QTMAN: variants seen among roughly 807,000 people sequenced by gnomAD.
QTMAN encodes tRNA-queuosine alpha-mannosyltransferase.
At chr2:144,129,785 T>C in the QTMAN span, among the ~76,000 whole-genome samples, 9 of 152,004 alleles carry the variant, frequency 5.9e-5, no homozygotes, top group African/African-American at 2.2e-4. Context: ...CTCACTGTTA[T>C]TTTTACAAAA....
the QTMAN span, among the ~76,000 whole-genome samples, chr2:144,136,968 A>G: frequency 6.6e-6 from 1 of 152,118 alleles, no homozygotes; most frequent in Admixed American, 6.6e-5. Context: ...TTTGCAACCC[A>G]GCAGAAATGG....
the QTMAN span, chr2:143,946,778 G>T: frequency 2.5e-6 from 1 of 405,824 alleles, no homozygotes. Context: ...TATTTTTTTT[G>T]AACAGTCTCC....
At chr2:144,080,775 A>T in the QTMAN span, among the ~76,000 whole-genome samples, 1 of 152,326 alleles carries the variant, frequency 6.6e-6, no homozygotes, top group African/African-American at 2.4e-5. Flanking sequence ...TCCTTTTAAA[A>T]ACATTTATCT....
At chr2:144,068,933 C>T in the QTMAN span, among the ~76,000 whole-genome samples, 10 of 152,134 alleles carry the variant, frequency 6.6e-5, no homozygotes, top group African/African-American at 2.4e-4. Flanking sequence ...GGCATATTAT[C>T]GCCCTTTATC....
the QTMAN span, among the ~76,000 whole-genome samples, chr2:144,213,472 C>T: frequency 2.6e-5 from 4 of 152,030 alleles, no homozygotes; most frequent in South Asian, 2.1e-4. Flanking sequence ...TCATATATGA[C>T]GTCAATTTAG....
the QTMAN span, among the ~76,000 whole-genome samples, chr2:144,322,573 CTATGTTG>C: frequency 1.1e-4 from 17 of 152,016 alleles, no homozygotes; most frequent in East Asian, 3.1e-3. Flanking sequence ...ATCTGTTGTG[CTATGTTG>C]TTTTGATTGA....
chr2:144,280,623 A>G, the QTMAN span, among the ~76,000 whole-genome samples: 2 of 152,134 alleles, frequency 1.3e-5, no homozygotes, highest in African/African-American at 4.8e-5. Flanking sequence ...AGAAAAGAAG[A>G]CCTCATAAAG....
the QTMAN span, among the ~76,000 whole-genome samples, chr2:144,220,485 T>A: frequency 6.6e-6 from 1 of 152,166 alleles, no homozygotes; most frequent in Non-Finnish European, 1.5e-5. Flanking sequence ...ATCAACTGGT[T>A]TTTCAAGGAG....
the QTMAN span, among the ~76,000 whole-genome samples, chr2:144,038,913 G>GA: frequency 2.0e-5 from 3 of 152,012 alleles, no homozygotes; most frequent in South Asian, 2.1e-4. Context: ...CTTTCTGTCA[G>GA]AAAAAACATC....
the QTMAN span, among the ~76,000 whole-genome samples, chr2:144,302,026 C>T: frequency 6.6e-6 from 1 of 152,122 alleles, no homozygotes; most frequent in African/African-American, 2.4e-5. Flanking sequence ...CTAGGCAAAG[C>T]ACATTTGGCC....
chr2:144,174,106 T>G, the QTMAN span, among the ~76,000 whole-genome samples: 1 of 152,212 alleles, frequency 6.6e-6, no homozygotes, highest in Admixed American at 6.5e-5. Context: ...CAAAGATACC[T>G]TCAAACCTTC....
At chr2:143,971,579 GT>G in the QTMAN span, among the ~76,000 whole-genome samples, 11 of 151,848 alleles carry the variant, frequency 7.2e-5, no homozygotes, top group South Asian at 1.2e-3. Context: ...AATGAAATGA[GT>G]TTTTTTTAAC....
At chr2:144,007,166 G>A in the QTMAN span, 3 of 1,437,270 alleles carry the variant, frequency 2.1e-6, no homozygotes, top group Non-Finnish European at 2.9e-6. Context: ...TACTAAATTG[G>A]CATGCCTTGA....
At chr2:144,302,853 C>A in the QTMAN span, among the ~76,000 whole-genome samples, 1 of 152,250 alleles carries the variant, frequency 6.6e-6, no homozygotes, top group South Asian at 2.1e-4. Flanking sequence ...GTAATCCTAG[C>A]ACTTTGGGAG....
chr2:144,288,831 T>G, the QTMAN span, among the ~76,000 whole-genome samples: 2 of 152,034 alleles, frequency 1.3e-5, no homozygotes, highest in Non-Finnish European at 2.9e-5. Context: ...GACCATCTGT[T>G]CTATACACTA....
chr2:144,030,841 C>A, the QTMAN span, among the ~76,000 whole-genome samples: 1 of 152,030 alleles, frequency 6.6e-6, no homozygotes, highest in Non-Finnish European at 1.5e-5. Flanking sequence ...CTCAGACCTG[C>A]GGAGGGAGGC....
chr2:144,017,598 T>C, the QTMAN span, among the ~76,000 whole-genome samples: 1 of 152,220 alleles, frequency 6.6e-6, no homozygotes, highest in African/African-American at 2.4e-5. Context: ...TTAGCTGACC[T>C]GAGAAAAGTC....
the QTMAN span, among the ~76,000 whole-genome samples, chr2:144,100,850 T>C: frequency 5.4e-5 from 8 of 147,712 alleles, no homozygotes; most frequent in African/African-American, 2.0e-4. Flanking sequence ...TTTCATTTAG[T>C]CTTTCTTTCT....
chr2:143,958,315 C>T, the QTMAN span, among the ~76,000 whole-genome samples: 1 of 152,052 alleles, frequency 6.6e-6, no homozygotes, highest in African/African-American at 2.4e-5. Context: ...GAAAAGCTAA[C>T]AAGCCTAGAA....
Sources: gnomAD v4.1 joint callset for allele counts (sites outside exome capture counted in the v4.1 genomes callset) on GRCh38, gnomAD v4.1.1 for gene constraint, MANE v1.5 for transcripts, NCBI Gene and HGNC (gene_info 2026-07-23, HGNC 2026-07-21) for gene names.